TMEM108: variants seen among roughly 807,000 people sequenced by gnomAD.
The protein encoded by TMEM108 is transmembrane protein 108.
TMEM108 carries 12 observed loss-of-function variants against 35.1 expected under a neutral mutation model. The observed-to-expected ratio is 0.34, with a 90% CI of 0.22 to 0.55. The LOEUF (loss-of-function observed/expected upper bound fraction) is 0.55. TMEM108 is among the 20% of genes least tolerant of loss of function. The pLI, the probability that TMEM108 is intolerant of heterozygous loss-of-function variation, is 0.89. For missense variants in TMEM108, 680 were observed against 753.3 expected (o/e 0.90, Z 1.14); for synonymous variants, 287 against 308.6 (o/e 0.93, Z 0.73).
At chr3:133,291,141 A>T (rs1947062437) in intron 3 of TMEM108, among the ~76,000 whole-genome samples, 1 of 152,202 alleles carries the variant, frequency 6.6e-6, no homozygotes, top group Non-Finnish European at 1.5e-5. Context: ...TTGTTCTAAT[A>T]GCAATTTAGA....
chr3:133,181,038 A>AAAAAAAAAAAAAAAAAAAAAAAAC (rs869218859), intron 2 of TMEM108, among the ~76,000 whole-genome samples: 3 of 126,516 alleles, frequency 2.4e-5, no homozygotes, highest in African/African-American at 8.6e-5. Flanking sequence ...AAAAAAAAAA[A>AAAAAAAAAAAAAAAAAAAAAAAAC]CAGCACTCCC....
intron 2 of TMEM108, among the ~76,000 whole-genome samples, chr3:133,177,168 T>A (rs1031044805): frequency 6.6e-6 from 1 of 152,182 alleles, no homozygotes; most frequent in Admixed American, 6.5e-5. Context: ...ATTGAGGCAA[T>A]AATAAATAGC....
intron 3 of TMEM108, among the ~76,000 whole-genome samples, chr3:133,353,226 A>C (rs751848567): frequency 6.6e-6 from 1 of 152,172 alleles, no homozygotes; most frequent in Non-Finnish European, 1.5e-5. Context: ...CTAGAGACAA[A>C]GATGTTTTCA....
intron 2 of TMEM108, among the ~76,000 whole-genome samples, chr3:133,050,430 A>G (rs1162537303): frequency 6.6e-6 from 1 of 152,116 alleles, no homozygotes; most frequent in Non-Finnish European, 1.5e-5. Context: ...TACTCCCTAT[A>G]CATGCATGGC....
chr3:133,249,249 T>C (rs1376590322), intron 3 of TMEM108, among the ~76,000 whole-genome samples: 1 of 152,210 alleles, frequency 6.6e-6, no homozygotes, highest in East Asian at 1.9e-4. Context: ...CCACTGTGTT[T>C]CAGAGGGTGA....
chr3:133,147,130 A>G (rs1044117948), intron 2 of TMEM108, among the ~76,000 whole-genome samples: 5 of 152,158 alleles, frequency 3.3e-5, no homozygotes, highest in Non-Finnish European at 5.9e-5. Context: ...ACACTGCTTT[A>G]GCTGTGTCCC....
intron 3 of TMEM108, among the ~76,000 whole-genome samples, chr3:133,325,956 G>A (rs945411732): frequency 6.6e-6 from 1 of 151,898 alleles, no homozygotes; most frequent in Non-Finnish European, 1.5e-5. Context: ...ATGATGTCTG[G>A]GATTAACTTT....
chr3:133,084,382 T>C (rs1943854429), intron 2 of TMEM108, among the ~76,000 whole-genome samples: 3 of 152,324 alleles, frequency 2.0e-5, no homozygotes, highest in African/African-American at 7.2e-5. Flanking sequence ...CCCTTCTCTC[T>C]CCCACTCTAG....
intron 2 of TMEM108, among the ~76,000 whole-genome samples, chr3:133,075,026 C>A (rs1266115830): frequency 6.6e-6 from 1 of 152,014 alleles, no homozygotes; most frequent in African/African-American, 2.4e-5. Context: ...TCCCACTAAG[C>A]CTTGCAATTT....
chr3:133,281,890 G>C (rs1946918043), intron 3 of TMEM108, among the ~76,000 whole-genome samples: 1 of 152,222 alleles, frequency 6.6e-6, no homozygotes, highest in African/African-American at 2.4e-5. Context: ...GGGCTTGGTG[G>C]CTCAAGCCTG....
At chr3:133,317,516 G>A (rs560291150) in intron 3 of TMEM108, among the ~76,000 whole-genome samples, 8 of 152,256 alleles carry the variant, frequency 5.3e-5, no homozygotes, top group African/African-American at 1.4e-4. Context: ...ATAACAGACT[G>A]GAAACAGAAC....
At chr3:133,367,604 G>C (rs2072538219) in intron 3 of TMEM108, among the ~76,000 whole-genome samples, 1 of 152,244 alleles carries the variant, frequency 6.6e-6, no homozygotes, top group Admixed American at 6.5e-5. Flanking sequence ...CAACTGAGGA[G>C]AGCAGGGCCA....
intron 2 of TMEM108, among the ~76,000 whole-genome samples, chr3:133,162,839 A>G (rs1944980570): frequency 6.6e-6 from 1 of 152,208 alleles, no homozygotes; most frequent in Non-Finnish European, 1.5e-5. Context: ...ATGCAGTAAA[A>G]TGATTTGCAG....
chr3:133,215,530 A>C (rs769104564), intron 2 of TMEM108, among the ~76,000 whole-genome samples: 1 of 152,174 alleles, frequency 6.6e-6, no homozygotes, highest in Non-Finnish European at 1.5e-5. Flanking sequence ...ACTAATGACC[A>C]TGAAAGCATT....
intron 2 of TMEM108, among the ~76,000 whole-genome samples, chr3:133,168,778 T>A (rs1945083176): frequency 6.6e-6 from 1 of 152,218 alleles, no homozygotes; most frequent in Non-Finnish European, 1.5e-5. Flanking sequence ...ATATTGCTGC[T>A]GCTCACTCTT....
intron 2 of TMEM108, among the ~76,000 whole-genome samples, chr3:133,189,207 C>T (rs575925880): frequency 2.0e-5 from 3 of 152,178 alleles, no homozygotes; most frequent in Non-Finnish European, 1.5e-5. Flanking sequence ...GTCACCAAGG[C>T]ATTTAATTTA....
chr3:133,202,104 A>G (rs1459017962), intron 2 of TMEM108, among the ~76,000 whole-genome samples: 6 of 152,200 alleles, frequency 3.9e-5, no homozygotes, highest in East Asian at 3.8e-4. Flanking sequence ...TCTTCTTTTG[A>G]TAAGTTTCTG....
intron 5 of TMEM108, among the ~76,000 whole-genome samples, chr3:133,394,535 G>A (rs988717432): frequency 5.9e-5 from 9 of 151,802 alleles, no homozygotes; most frequent in Non-Finnish European, 1.5e-5. Context: ...CTTTAATGCA[G>A]CAAAACATAC....
At chr3:133,319,438 G>A (rs995080500) in intron 3 of TMEM108, among the ~76,000 whole-genome samples, 4 of 152,046 alleles carry the variant, frequency 2.6e-5, no homozygotes, top group Admixed American at 6.6e-5. Context: ...AGGACATTAC[G>A]GAAACTCATG....
Sources: allele counts gnomAD v4.1 joint callset (sites outside exome capture counted in the v4.1 genomes callset), GRCh38; gene constraint gnomAD v4.1.1; transcripts MANE v1.5; gene names NCBI Gene and HGNC (gene_info 2026-07-23, HGNC 2026-07-21).